Variants in IGSF21 observed in about 807,000 individuals in gnomAD.
The protein encoded by IGSF21 is immunoglobulin superfamily member 21.
Under a neutral mutation model 46.8 loss-of-function variants are expected in IGSF21, and 28 were observed. That is an observed-to-expected ratio of 0.60 (90% confidence interval 0.44 to 0.82). IGSF21 has a LOEUF of 0.82. Ranked by LOEUF, IGSF21 falls within the 40% of genes least tolerant of loss-of-function variation. The pLI is 0.00. For synonymous variants in IGSF21, 284 were observed against 273.6 expected (o/e 1.04, Z -0.38); for missense variants, 624 against 665.5 (o/e 0.94, Z 0.69).
intron 2 of IGSF21, among the ~76,000 whole-genome samples, chr1:18,251,383 CA>C (rs1434850035): frequency 6.6e-6 from 1 of 152,172 alleles, no homozygotes; most frequent in Admixed American, 6.5e-5. Context: ...TTTGTTACAA[CA>C]AAGGTTTATT....
intron 2 of IGSF21, among the ~76,000 whole-genome samples, chr1:18,236,427 T>A (rs2084673401): frequency 6.6e-6 from 1 of 152,212 alleles, no homozygotes. Context: ...CCCAGGTTTG[T>A]CTTTATTAGC....
chr1:18,315,303 G>A (rs551764373), intron 3 of IGSF21, among the ~76,000 whole-genome samples: 1 of 152,202 alleles, frequency 6.6e-6, no homozygotes, highest in South Asian at 2.1e-4. Context: ...GTATAGCCTG[G>A]TCAGATCTTT....
chr1:18,286,496 C>T (rs1215881862), intron 2 of IGSF21, among the ~76,000 whole-genome samples: 1 of 152,232 alleles, frequency 6.6e-6, no homozygotes, highest in Non-Finnish European at 1.5e-5. Context: ...ACAGCCTCTT[C>T]TGTCTGGTCC....
chr1:18,118,279 T>C (rs976489875), intron 1 of IGSF21, among the ~76,000 whole-genome samples: 4 of 152,228 alleles, frequency 2.6e-5, no homozygotes, highest in African/African-American at 9.6e-5. Flanking sequence ...TTCCTCCTTT[T>C]TTCCCTAACG....
At chr1:18,239,359 G>T (rs985281774) in intron 2 of IGSF21, among the ~76,000 whole-genome samples, 11 of 152,038 alleles carry the variant, frequency 7.2e-5, no homozygotes, top group African/African-American at 2.2e-4. Flanking sequence ...TTGGGTGTGA[G>T]CTCCCACAGG....
chr1:18,330,332 T>A (rs1396177917), intron 3 of IGSF21, among the ~76,000 whole-genome samples: 2 of 152,236 alleles, frequency 1.3e-5, no homozygotes, highest in Non-Finnish European at 2.9e-5. Flanking sequence ...AGTGGGGGGA[T>A]CCTGGCCATG....
chr1:18,323,623 C>A (rs1415777204), intron 3 of IGSF21, among the ~76,000 whole-genome samples: 1 of 152,060 alleles, frequency 6.6e-6, no homozygotes, highest in African/African-American at 2.4e-5. Context: ...GGGTCCCAGG[C>A]TCCCTGAAGC....
At chr1:18,233,686 A>T (rs1259448596) in intron 2 of IGSF21, among the ~76,000 whole-genome samples, 1 of 152,180 alleles carries the variant, frequency 6.6e-6, no homozygotes. Flanking sequence ...ATAGAATAAG[A>T]GGGGAAGGTA....
At chr1:18,316,422 A>G (rs17277484) in intron 3 of IGSF21, among the ~76,000 whole-genome samples, 40,286 of 152,088 alleles carry the variant, frequency 0.26, 5,857 homozygotes, top group African/African-American at 0.36. Flanking sequence ...TTGTGGACTC[A>G]GAGGGTCCTA....
chr1:18,287,194 A>AAAGAAATAAAT (rs60840997), intron 2 of IGSF21, among the ~76,000 whole-genome samples: 1 of 124,836 alleles, frequency 8.0e-6, no homozygotes, highest in Non-Finnish European at 1.6e-5. Flanking sequence ...AAAAAAAAAT[A>AAAGAAATAAAT]AAATAAATAA....
At chr1:18,372,607 T>C (rs930031511) in intron 6 of IGSF21, among the ~76,000 whole-genome samples, 1 of 150,076 alleles carries the variant, frequency 6.7e-6, no homozygotes, top group Non-Finnish European at 1.5e-5. Flanking sequence ...GATGGATGAA[T>C]GGGTGGATGT....
chr1:18,376,813 C>T lies in IGSF21; in HGVS notation c.1115C>T (p.Pro372Leu). The T allele has an allele frequency of 3.8e-6, 6 of 1,593,626 alleles. No individual in the cohort carries two copies. Among genetic ancestry groups the T allele is most frequent in the Non-Finnish European group, 5.1e-6 (6 of 1,165,474 alleles). Residue 372 changes from proline (P) to leucine (L), a missense_variant, in exon 8 of 10, where the codon CCG becomes CTG. Physicochemically the swap from Pro to Leu is moderately conservative, Grantham distance 98. Transcript: ENST00000251296. ...LVHGFQNEVF[P>L]EPMFTWTRVG... ...TCTGGCCAACAGAACGAAGTCTTCC[C>T]GGAGCCCATGTTCACGTGGACGCGG...
rs2085749282 is a variant in IGSF21 at position 18,334,789 on chromosome 1, T to A, written c.306-103T>A. The A allele has an allele frequency of 8.7e-6, 7 of 806,282 alleles. No homozygotes were observed. The highest frequency in any genetic ancestry group is 6.7e-5 in the African/African-American group (4 of 59,740). The allele number at this position is 806,282 out of a possible 1,614,324, so 49.9% of individuals were successfully genotyped here. A position where few individuals can be genotyped will look rare whatever the true frequency, so the allele number is the denominator to read the frequency against. ...AGCCCAGCACACAGGCCTGTGTTTG[T>A]TAGTGGAGGCTGCACCAGTGGGCAT... On this transcript the variant is annotated intron_variant, in intron 3 of 9. Transcript: ENST00000251296. This position sits in a 1 kb window ranked among gnomAD's most constrained non-coding sequence, Gnocchi z 4.3.
intron 1 of IGSF21, among the ~76,000 whole-genome samples, chr1:18,143,592 G>T (rs1413261845): frequency 6.6e-6 from 1 of 152,162 alleles, no homozygotes; most frequent in Non-Finnish European, 1.5e-5. Flanking sequence ...TCTTGCTGGA[G>T]AATCTGTTCC....
At chr1:18,122,055 G>C (rs891167957) in intron 1 of IGSF21, among the ~76,000 whole-genome samples, 2 of 152,138 alleles carry the variant, frequency 1.3e-5, no homozygotes, top group Non-Finnish European at 2.9e-5. Context: ...TATGGCTTGT[G>C]AGCTCCGAAT....
chr1:18,150,092 A>G (rs1372181578), intron 1 of IGSF21, among the ~76,000 whole-genome samples: 3 of 152,108 alleles, frequency 2.0e-5, no homozygotes, highest in Non-Finnish European at 4.4e-5. Flanking sequence ...TGTCTCTGCA[A>G]AACAAAAAAT....
chr1:18,248,979 G>T (rs543836292), intron 2 of IGSF21, among the ~76,000 whole-genome samples: 1 of 152,220 alleles, frequency 6.6e-6, no homozygotes, highest in Admixed American at 6.5e-5. Flanking sequence ...TGAAGAATGA[G>T]TAGAACCTAG....
Position 18,107,992 on chromosome 1 carries a change from C to A in IGSF21, c.-137C>A. ...TGGCCGCGGCGGCATGGGGGCGCCCCCGCGGCTCTCCGCGCTGCCCGCCAC... is the reference window on the plus strand; with the variant it reads ...TGGCCGCGGCGGCATGGGGGCGCCCACGCGGCTCTCCGCGCTGCCCGCCAC... On this transcript the variant is annotated 5_prime_UTR_variant, in exon 1 of 10. Transcript: ENST00000251296. 3.6e-6 allele frequency: 1 copy of A among 274,738 alleles called. No homozygotes were observed. Among genetic ancestry groups the A allele is most frequent in the Non-Finnish European group, 6.4e-6 (1 of 155,730 alleles). The allele number at this position is 274,738 out of a possible 1,614,324, so 17.0% of individuals were successfully genotyped here.
At chr1:18,122,164 T>A (rs1324149438) in intron 1 of IGSF21, among the ~76,000 whole-genome samples, 11 of 151,628 alleles carry the variant, frequency 7.3e-5, no homozygotes, top group African/African-American at 2.7e-4. Context: ...CATCTGTGCT[T>A]TTTTCTTTTC....
Sources: allele counts gnomAD v4.1 joint callset (sites outside exome capture counted in the v4.1 genomes callset), GRCh38; gene constraint gnomAD v4.1.1; non-coding constraint Gnocchi (gnomAD v3.1); transcripts MANE v1.5; gene names NCBI Gene and HGNC (gene_info 2026-07-23, HGNC 2026-07-21).